Variants in MYH11 observed in about 807,000 individuals in gnomAD.
The protein encoded by MYH11 is myosin-11.
Under a neutral mutation model 246.6 loss-of-function variants are expected in MYH11, and 80 were observed. The ratio of observed to expected loss-of-function variants is 0.32; its 90% CI spans 0.27 to 0.39. The LOEUF is 0.39. MYH11 is among the 10% of genes least tolerant of loss of function. MYH11 has a pLI of 1.00. For missense variants in MYH11, 2,158 were observed against 2,546.8 expected (o/e 0.85, Z 3.29); for synonymous variants, 1,071 against 1,015.5 (o/e 1.05, Z -1.04).
chr16:15,749,673 G>T (rs2041512731), intron 16 of MYH11: 3 of 232,848 alleles, frequency 1.3e-5, no homozygotes, highest in South Asian at 6.9e-5. Context: ...ACAATGCTTA[G>T]GGCATCCCTG....
At chr16:15,771,219 C>T (rs981803447) in intron 9 of MYH11, among the ~76,000 whole-genome samples, 3 of 151,756 alleles carry the variant, frequency 2.0e-5, no homozygotes, top group East Asian at 3.9e-4. Flanking sequence ...AGGTTGGTCT[C>T]GAACTCCTGA....
rs2042480712 is a variant in MYH11 at position 15,786,787 on chromosome 16, G to C, written c.531-55C>G. 8 of 1,460,218 alleles carry C rather than the reference G, an allele frequency of 5.5e-6. No homozygotes were observed. The Admixed American group carries it at 8.8e-5, about 16-fold the overall frequency. The allele number at this position is 1,460,218 out of a possible 1,614,324, so 90.5% of individuals were successfully genotyped here. A position where few individuals can be genotyped will look rare whatever the true frequency, so the allele number is the denominator to read the frequency against. On this transcript the variant is annotated intron_variant, in intron 4 of 40. Transcript: ENST00000300036. Reference sequence around the variant, plus strand: ...CACGTTCCATGGTGACCTTTCCGCAGTTCCATGAGCCAGGCAGGACAATAA... The same window carrying C: ...CACGTTCCATGGTGACCTTTCCGCACTTCCATGAGCCAGGCAGGACAATAA...
At chr16:15,720,117 T>C in intron 34 of MYH11, 34 bp downstream of exon 34, 1 of 1,613,856 alleles carries the variant, frequency 6.2e-7, no homozygotes. Context: ...GTGCCCTCCC[T>C]CCACCCATGC....
chr16:15,749,988 G>C, intron 16 of MYH11, 150 bp downstream of exon 16: 1 of 965,826 alleles, frequency 1.0e-6, no homozygotes, highest in South Asian at 1.6e-5. Context: ...CTCCAGGGAT[G>C]GGGAATGGGT....
rs761693939 is a variant in MYH11 at position 15,715,063 on chromosome 16, T to G, written c.5632A>C (p.Arg1878=). 2 of 1,611,622 alleles carry G rather than the reference T, an allele frequency of 1.2e-6. No homozygotes were observed. The highest frequency in any genetic ancestry group is 1.7e-6 in the Non-Finnish European group (2 of 1,179,542). The change falls in exon 40 of 41, where the codon AGG becomes CGG. Residue 1878 remains arginine (R), a synonymous_variant. Coordinates refer to ENST00000300036, the MANE Select transcript of MYH11 (RefSeq NM_002474.3). ...YKEQAEKGNA[R]VKQLKRQLEE... ...AGCTGCCTCTTGAGCTGCTTGACCC[T>G]GGCATTGCCTTTCTCTGCCTGTCGC...
At chr16:15,779,875 TC>T (rs1171205919) in intron 6 of MYH11, among the ~76,000 whole-genome samples, 1 of 152,242 alleles carries the variant, frequency 6.6e-6, no homozygotes, top group Non-Finnish European at 1.5e-5. Context: ...TTCATCCTTT[TC>T]CCCCATCATG....
At chr16:15,755,912 C>G (rs902486168) in intron 14 of MYH11, among the ~76,000 whole-genome samples, 1 of 152,120 alleles carries the variant, frequency 6.6e-6, no homozygotes, top group Non-Finnish European at 1.5e-5. Flanking sequence ...GCCTGGATGA[C>G]AAGAGCAAAA....
At chr16:15,806,761 G>T (rs2043022820) in intron 3 of MYH11, among the ~76,000 whole-genome samples, 1 of 101,910 alleles carries the variant, frequency 9.8e-6, no homozygotes, top group Non-Finnish European at 2.0e-5. Flanking sequence ...GAACCAATGA[G>T]CTCCTGAAGG....
intron 15 of MYH11, among the ~76,000 whole-genome samples, chr16:15,752,703 A>G (rs922783183): frequency 1.3e-5 from 2 of 152,164 alleles, no homozygotes; most frequent in African/African-American, 4.8e-5. Flanking sequence ...ACATGGGGGA[A>G]CCCCGTCTCT....
chr16:15,717,455 T>C, intron 37 of MYH11, 107 bp from the exon 38 acceptor site: 1 of 1,160,652 alleles, frequency 8.6e-7, no homozygotes, highest in South Asian at 1.3e-5. Flanking sequence ...AGTCCCTTGA[T>C]CCCGGGCACC....
chr16:15,832,507 G>A (rs1237827747), intron 2 of MYH11, among the ~76,000 whole-genome samples: 1 of 152,194 alleles, frequency 6.6e-6, no homozygotes, highest in Admixed American at 6.6e-5. Flanking sequence ...ATCTCACAGG[G>A]ACTGCTACTC....
In MYH11 at chr16:15,785,008, ATTTTT is replaced by A. The variant is rs398028825; in HGVS notation, c.633+1617_633+1621del. On this transcript the variant is annotated intron_variant, in intron 5 of 40. Transcript: ENST00000300036. ...ACACCAGGCCCAGCTAATTCTCTTGATTTTTTTTTTTTTTTTTTTTTGGTACAGAC... is the reference window on the plus strand; with the variant it reads ...ACACCAGGCCCAGCTAATTCTCTTGATTTTTTTTTTTTTTTTGGTACAGAC... 2.0e-3 allele frequency: 193 copies of A among 97,884 alleles called. 1 individual carries two copies. The highest frequency in any genetic ancestry group is 7.8e-3 in the African/African-American group (140 of 17,986). 6.1% of individuals were successfully genotyped at this position (97,884 alleles called of 1,614,324 possible). A position where few individuals can be genotyped will look rare whatever the true frequency, so the allele number is the denominator to read the frequency against.
intron 2 of MYH11, among the ~76,000 whole-genome samples, chr16:15,833,760 C>T (rs1011110086): frequency 2.6e-5 from 4 of 152,154 alleles, no homozygotes; most frequent in African/African-American, 9.6e-5. Flanking sequence ...AGACCACGGA[C>T]CTGGTATCAC....
At chr16:15,777,104 TACACAC>T (rs111888764) in intron 7 of MYH11, among the ~76,000 whole-genome samples, 17 of 147,878 alleles carry the variant, frequency 1.1e-4, no homozygotes, top group African/African-American at 1.0e-4. Context: ...CACGCACACA[TACACAC>T]ACACACACAC....
chr16:15,753,586 C>A, intron 14 of MYH11, 78 bp from the exon 15 acceptor site: 1 of 1,081,996 alleles, frequency 9.2e-7, no homozygotes, highest in East Asian at 2.4e-5. Context: ...CCAGCCCTCC[C>A]ATTGTCCTTC....
chr16:15,812,997 T>C (rs2043175584), intron 3 of MYH11, among the ~76,000 whole-genome samples: 1 of 152,190 alleles, frequency 6.6e-6, no homozygotes, highest in Non-Finnish European at 1.5e-5. Context: ...TGAAACACCA[T>C]CTCTACTAAA....
chr16:15,827,628 G>A lies in MYH11; in HGVS notation c.346-4217C>T, dbSNP rs114433982. Among the ~76,000 whole-genome samples the A allele has an allele frequency of 3.8e-3, 580 of 152,276 alleles. 1 individual carries two copies. Among genetic ancestry groups the A allele is most frequent in the African/African-American group, 0.013 (538 of 41,552 alleles). Reference sequence around the variant, plus strand: ...CACCAGCTGCAAGTGCCTTGAGTCCGGGGAACCCCCTTTCTCCTCTTCAGT... The same window carrying A: ...CACCAGCTGCAAGTGCCTTGAGTCCAGGGAACCCCCTTTCTCCTCTTCAGT... On this transcript the variant is annotated intron_variant, in intron 2 of 40. Transcript: ENST00000300036.
intron 9 of MYH11, among the ~76,000 whole-genome samples, chr16:15,764,818 G>T (rs528473421): frequency 6.6e-6 from 1 of 152,230 alleles, no homozygotes; most frequent in South Asian, 2.1e-4. Context: ...AAGGATTTTT[G>T]AAATAAAAAC....
rs71134455 is a variant in MYH11, at chr16:15,757,508, T to TAAA, written c.1575+316_1575+318dup. Among the ~76,000 whole-genome samples, 231 of 65,386 alleles carry TAAA rather than the reference T, an allele frequency of 3.5e-3. 8 individuals are homozygous for TAAA. Among genetic ancestry groups the TAAA allele is most frequent in the Non-Finnish European group, 4.0e-3 (146 of 36,602 alleles). The allele number at this position is 65,386 out of a possible 152,430, so 42.9% of individuals were successfully genotyped here. A position where few individuals can be genotyped will look rare whatever the true frequency, so the allele number is the denominator to read the frequency against. On this transcript the variant is annotated intron_variant, in intron 13 of 40. Coordinates refer to ENST00000300036, the MANE Select transcript of MYH11 (RefSeq NM_002474.3). ...TGGGCAACAGAGTCAGACCATGTCA[T>TAAA]AAAAAAAAAAAAAAAAAAAAAAAAA...
Sources: allele counts gnomAD v4.1 joint callset (sites outside exome capture counted in the v4.1 genomes callset), GRCh38; gene constraint gnomAD v4.1.1; transcripts MANE v1.5; gene names NCBI Gene and HGNC (gene_info 2026-07-23, HGNC 2026-07-21).